CELF4: variants seen among roughly 807,000 people sequenced by gnomAD.
The protein encoded by CELF4 is CUG-BP- and ETR-3-like factor 4.
In CELF4, 18 loss-of-function variants were observed where a neutral mutation model predicts 59.9. The observed-to-expected ratio is 0.30, with a 90% CI of 0.21 to 0.45. The LOEUF is 0.45. Among genes scored for constraint, CELF4 ranks in the 20% least tolerant of loss-of-function variants. The pLI is 1.00. For synonymous variants in CELF4, 261 were observed against 267.1 expected, an observed-to-expected ratio of 0.98 and a Z score of 0.22; for missense variants, 456 against 689.0, an observed-to-expected ratio of 0.66 and a Z score of 3.79.
chr18:37,497,065 G>C (rs1786814), intron 1 of CELF4, among the ~76,000 whole-genome samples: 3 of 152,088 alleles, frequency 2.0e-5, no homozygotes, highest in African/African-American at 7.2e-5. Flanking sequence ...CCCAAGGTGG[G>C]TGAGAGGAGT....
intron 2 of CELF4, among the ~76,000 whole-genome samples, chr18:37,370,017 T>G (rs2098839922): frequency 6.6e-6 from 1 of 152,172 alleles, no homozygotes; most frequent in South Asian, 2.1e-4. Flanking sequence ...CTCCCTCTCC[T>G]CAGAGCCCAG....
chr18:37,486,966 T>G (rs1407541451), intron 1 of CELF4, among the ~76,000 whole-genome samples: 5 of 152,206 alleles, frequency 3.3e-5, no homozygotes, highest in Non-Finnish European at 7.4e-5. Context: ...CCAGCCAGTC[T>G]CCACAGCCAG....
At chr18:37,380,137 G>A (rs2099019417) in intron 2 of CELF4, among the ~76,000 whole-genome samples, 1 of 152,078 alleles carries the variant, frequency 6.6e-6, no homozygotes, top group Admixed American at 6.5e-5. Flanking sequence ...TGCCAGGCTG[G>A]CACTCCCAAT....
At chr18:37,336,203 G>T (rs2097766179) in intron 2 of CELF4, among the ~76,000 whole-genome samples, 1 of 152,206 alleles carries the variant, frequency 6.6e-6, no homozygotes, top group African/African-American at 2.4e-5. Context: ...TCACGGCTGT[G>T]GTGGCTGCCA....
chr18:37,484,030 C>T (rs1000944354), intron 2 of CELF4, among the ~76,000 whole-genome samples: 1 of 152,086 alleles, frequency 6.6e-6, no homozygotes, highest in Non-Finnish European at 1.5e-5. Context: ...CTAAACCTCC[C>T]CCTCTCACCT....
rs2099876709 is a variant in CELF4, at chr18:37,484,405, C to G, written c.369+1120G>C. On this transcript the variant is annotated intron_variant, in intron 2 of 12. Coordinates refer to ENST00000420428, the MANE Select transcript of CELF4 (RefSeq NM_020180.4). Reference sequence around the variant, plus strand: ...AAACAACTGGGGAATGGCCACCCTGCCAGAGCTGGGCTTCACACAAAATCT... The same window carrying G: ...AAACAACTGGGGAATGGCCACCCTGGCAGAGCTGGGCTTCACACAAAATCT... Among the ~76,000 whole-genome samples the G allele has an allele frequency of 2.6e-5, 4 of 152,328 alleles. No homozygotes were observed. In the South Asian group the frequency reaches 8.3e-4, roughly 32 times the overall value.
intron 2 of CELF4, among the ~76,000 whole-genome samples, chr18:37,410,949 C>T (rs1442980238): frequency 6.6e-6 from 1 of 152,130 alleles, no homozygotes; most frequent in Non-Finnish European, 1.5e-5. Flanking sequence ...CACTACTTCC[C>T]AAAGGCAGAA....
At chr18:37,491,308 C>A (rs953982191) in intron 1 of CELF4, among the ~76,000 whole-genome samples, 2 of 151,138 alleles carry the variant, frequency 1.3e-5, no homozygotes, top group Non-Finnish European at 2.9e-5. Context: ...CCAGCAGAGA[C>A]CTGCCTGTCC....
intron 3 of CELF4, among the ~76,000 whole-genome samples, chr18:37,309,052 A>AC (rs1402196509): frequency 6.6e-6 from 1 of 152,044 alleles, no homozygotes; most frequent in Non-Finnish European, 1.5e-5. Flanking sequence ...CTCTCTGAGG[A>AC]CCCCTACTAC....
At chr18:37,499,007 C>A (rs914721219) in intron 1 of CELF4, among the ~76,000 whole-genome samples, 4 of 152,214 alleles carry the variant, frequency 2.6e-5, no homozygotes, top group Non-Finnish European at 4.4e-5. Context: ...AAATTCCCTA[C>A]AGTGTGAAAA....
At chr18:37,287,334 T>G (rs1187359620) in intron 3 of CELF4, among the ~76,000 whole-genome samples, 5 of 152,236 alleles carry the variant, frequency 3.3e-5, no homozygotes, top group Non-Finnish European at 7.3e-5. Flanking sequence ...CCCTTCAGAC[T>G]GCAAAATTCT....
chr18:37,504,443 G>C (rs566440870), intron 1 of CELF4, among the ~76,000 whole-genome samples: 4 of 136,638 alleles, frequency 2.9e-5, no homozygotes, highest in South Asian at 4.8e-4. Context: ...GACAGAGTGA[G>C]ACTCCATCTC....
chr18:37,553,896 G>T (rs572171900), intron 1 of CELF4, among the ~76,000 whole-genome samples: 46 of 152,292 alleles, frequency 3.0e-4, no homozygotes, highest in African/African-American at 1.1e-3. Flanking sequence ...TGTGTAAGAA[G>T]TTCTTCGTCT....
intron 1 of CELF4, among the ~76,000 whole-genome samples, chr18:37,502,495 G>T (rs918303375): frequency 6.6e-6 from 1 of 152,166 alleles, no homozygotes; most frequent in African/African-American, 2.4e-5. Context: ...TCTCTCACCG[G>T]GAAGGTGGTA....
At position 37,291,129 on chromosome 18, in the gene CELF4, G is replaced by A. The variant is rs534180553; in HGVS notation, c.449-15886C>T. Among the ~76,000 whole-genome samples the A allele has an allele frequency of 7.2e-5, 11 of 152,134 alleles. No homozygotes were observed. In the East Asian group the frequency reaches 9.7e-4, roughly 13 times the overall value. On this transcript the variant is annotated intron_variant, in intron 3 of 12. Coordinates refer to ENST00000420428, the MANE Select transcript of CELF4 (RefSeq NM_020180.4). ...TCTCCATGTTGGTCAGGCTGGTTTC[G>A]AACTCCTGACCTCAGGTGATCCGCC... is the stretch of plus-strand genomic sequence containing the variant.
At chr18:37,321,684 G>T (rs576969374) in intron 3 of CELF4, 119 bp downstream of exon 3, 5 of 692,308 alleles carry the variant, frequency 7.2e-6, no homozygotes, top group Non-Finnish European at 1.2e-5. Context: ...CCTCAGCCAC[G>T]AGATCCCCAG....
At chr18:37,492,020 G>T (rs535982084) in intron 1 of CELF4, among the ~76,000 whole-genome samples, 6 of 152,182 alleles carry the variant, frequency 3.9e-5, no homozygotes, top group Admixed American at 6.5e-5. Context: ...GAAGGTTCCC[G>T]ATGTGATGCT....
At chr18:37,364,886 A>T (rs533003649) in intron 2 of CELF4, among the ~76,000 whole-genome samples, 1 of 152,254 alleles carries the variant, frequency 6.6e-6, no homozygotes, top group East Asian at 1.9e-4. Context: ...TGTAGCAGTG[A>T]CTATGGAGCT....
chr18:37,339,745 C>T (rs1319054047), intron 2 of CELF4, among the ~76,000 whole-genome samples: 3 of 145,810 alleles, frequency 2.1e-5, no homozygotes, highest in Non-Finnish European at 3.0e-5. Flanking sequence ...CAGACTGAGA[C>T]TCTGTCTCAA....
Sources: allele counts gnomAD v4.1 joint callset (sites outside exome capture counted in the v4.1 genomes callset), GRCh38; gene constraint gnomAD v4.1.1; transcripts MANE v1.5; gene names NCBI Gene and HGNC (gene_info 2026-07-23, HGNC 2026-07-21).